Variants in NUMA1 observed in about 807,000 individuals in gnomAD.
NUMA1 encodes SP-H antigen.
In NUMA1, 62 loss-of-function variants were observed where a neutral mutation model predicts 237.1. That is an observed-to-expected ratio of 0.26 (90% CI 0.21 to 0.32). The LOEUF (loss-of-function observed/expected upper bound fraction) is 0.32. Ranked by LOEUF, NUMA1 falls within the 10% of genes least tolerant of loss-of-function variation. The pLI is 1.00. For synonymous variants in NUMA1, 1,028 were observed against 1,066.1 expected (o/e 0.96, Z 0.70); for missense variants, 2,533 against 2,666.5 (o/e 0.95, Z 1.10).
chr11:72,004,849 T>C (rs1056058520), intron 23 of NUMA1, 33 bp from the exon 24 acceptor site: 11 of 1,532,888 alleles, frequency 7.2e-6, no homozygotes, highest in African/African-American at 2.8e-5. Flanking sequence ...CAGTGGACCA[T>C]AGCTGTATGG....
At chr11:72,074,371 T>C (rs2136321063) in intron 1 of NUMA1, among the ~76,000 whole-genome samples, 2 of 151,916 alleles carry the variant, frequency 1.3e-5, no homozygotes, top group South Asian at 4.2e-4. Context: ...TAAAAAGAAG[T>C]AGTTTCTGTA....
In NUMA1 at chr11:72,007,394, C is replaced by G; in HGVS notation, c.5258G>C (p.Gly1753Ala). ...CTGGGAGATAGGTGAGGCTGGTTCT[C>G]CAGGGACGCTGGTGCCGTCTGGCTG... ...RTQPDGTSVP[G>A]EPASPISQRL... Residue 1753 changes from glycine to alanine, a missense_variant, in exon 21 of 27, where the codon GGA (glycine) becomes GCA (alanine). This residue lies in a region of NUMA1 where 795 missense variants were observed against 750.8 expected (regional missense o/e 1.06). Transcript: ENST00000393695. 6.2e-7 allele frequency: 1 copy of G among 1,613,828 alleles called. No individual in the cohort carries two copies. The highest frequency in any genetic ancestry group is 1.3e-5 in the African/African-American group (1 of 75,040).
At chr11:72,012,760 CT>C in intron 15 of NUMA1, 134 bp downstream of exon 15, 1 of 1,310,182 alleles carries the variant, frequency 7.6e-7, no homozygotes. Flanking sequence ...GCCACCTCTC[CT>C]TTTCTGCCAC....
chr11:72,049,554 A>AT lies in NUMA1; in HGVS notation c.-32-13580_-32-13579insA, dbSNP rs1942194103. 2.3e-3 allele frequency: 19 copies of AT among 8,438 alleles called. 1 individual carries two copies. The highest frequency in any genetic ancestry group is 0.015 in the South Asian group (6 of 396). 0.5% of individuals were successfully genotyped at this position (8,438 alleles called of 1,614,324 possible). Reference sequence around the variant, plus strand: ...TGAGAACCTGTCTAAAAAAAAAAATAATAATAATATATATATATATATATA... The same window carrying AT: ...TGAGAACCTGTCTAAAAAAAAAAATATATAATAATATATATATATATATATA... On this transcript the variant is annotated intron_variant, in intron 2 of 26. Transcript: ENST00000393695.
At chr11:72,066,419 A>T (rs760462828) in intron 2 of NUMA1, 2 of 152,242 alleles carry the variant, frequency 1.3e-5, no homozygotes, top group Non-Finnish European at 2.9e-5. Flanking sequence ...ATTTCTTAGC[A>T]TAACGCTTAA....
intron 2 of NUMA1, among the ~76,000 whole-genome samples, chr11:72,048,517 G>A (rs756432593): frequency 1.6e-4 from 24 of 152,078 alleles, no homozygotes; most frequent in Non-Finnish European, 3.2e-4. Context: ...GATTACAGGC[G>A]CTCGCCAACA....
In NUMA1 at chr11:72,003,356, C is replaced by T. The variant is rs1026361331; in HGVS notation, c.*171G>A. ...CCCTGGGCCAGCTCCGAGAAGGCGC[C>T]AGTGAAGGACCAGGGACCAGGCCAG... On this transcript the variant is annotated 3_prime_UTR_variant, in exon 27 of 27. Transcript: ENST00000393695. 5.9e-6 allele frequency: 4 copies of T among 675,708 alleles called. No homozygotes were observed. Among genetic ancestry groups the T allele is most frequent in the African/African-American group, 3.6e-5 (2 of 56,280 alleles). 41.9% of individuals were successfully genotyped at this position (675,708 alleles called of 1,614,324 possible).
intron 2 of NUMA1, among the ~76,000 whole-genome samples, chr11:72,057,596 C>G (rs1942725166): frequency 6.7e-6 from 1 of 148,500 alleles, no homozygotes; most frequent in Non-Finnish European, 1.5e-5. Context: ...ATACAAAAAT[C>G]AGTTGGGCAT....
In NUMA1 at chr11:72,009,259, G is replaced by A; in HGVS notation, c.4839+9C>T. On this transcript the variant is annotated intron_variant, in intron 18 of 26. Transcript: ENST00000393695. ...GGAAGGTGGCATGGGCTGGGGCTGG[G>A]CTCCTTACCTGCAGCTTATAGTGCT... is the stretch of plus-strand genomic sequence containing the variant. 1 of 1,610,946 alleles carries A rather than the reference G, an allele frequency of 6.2e-7. No homozygotes were observed. Among genetic ancestry groups the A allele is most frequent in the Non-Finnish European group, 8.5e-7 (1 of 1,179,248 alleles).
rs747391310 is a variant in NUMA1 at position 72,014,048 on chromosome 11, G to A, written c.3455C>T (p.Ala1152Val). 3.7e-6 allele frequency: 6 copies of A among 1,610,926 alleles called. No individual in the cohort carries two copies. In the East Asian group the frequency reaches 1.1e-4, roughly 30 times the overall value. ...QADSLERSLE[A>V]ERASRAERDS... ...CCGCTCAGCCCGGGAGGCCCGCTCAGCCTCGAGGCTGCGTTCCAGGCTGTC... is the reference window on the plus strand; with the variant it reads ...CCGCTCAGCCCGGGAGGCCCGCTCAACCTCGAGGCTGCGTTCCAGGCTGTC... Residue 1152 changes from alanine to valine, a missense_variant, in exon 15 of 27, where the codon GCT becomes GTT. Physicochemically the swap from Ala to Val is moderately conservative, Grantham distance 64. This residue lies in a region of NUMA1 where 1,414 missense variants were observed against 1,508.1 expected (regional missense o/e 0.94). Transcript: ENST00000393695. This position sits in a 1 kb window ranked among gnomAD's most constrained non-coding sequence, Gnocchi z 4.6.
chr11:72,006,377 T>C, intron 21 of NUMA1, 114 bp from the exon 22 acceptor site: 1 of 832,560 alleles, frequency 1.2e-6, no homozygotes, highest in South Asian at 1.8e-5. Context: ...TCCCAACTGC[T>C]TTGCAAAGGT....
chr11:72,071,502 C>A (rs1943449907), intron 1 of NUMA1, among the ~76,000 whole-genome samples: 1 of 152,140 alleles, frequency 6.6e-6, no homozygotes, highest in African/African-American at 2.4e-5. Context: ...ATAGTCATGA[C>A]AACTAAGTGC....
In NUMA1 at chr11:72,014,699, C is replaced by T. The variant is rs751006316; in HGVS notation, c.2804G>A (p.Arg935Gln). 15 of 1,613,746 alleles carry T rather than the reference C, an allele frequency of 9.3e-6. No individual in the cohort carries two copies. The highest frequency in any genetic ancestry group is 5.0e-5 in the Admixed American group (3 of 60,006). The change falls in exon 15 of 27, where the codon CGG becomes CAG. Residue 935 changes from arginine to glutamine, a missense_variant. Transcript: ENST00000393695. This position sits in a 1 kb window ranked among gnomAD's most constrained non-coding sequence, Gnocchi z 4.6. ...KAGEQQETASRELVKEPARAG... is the reference protein window; with the variant it reads ...KAGEQQETASQELVKEPARAG... Reference sequence around the variant, plus strand: ...CCTCGCAGGCTCCTTGACTAACTCCCGGGAGGCTGTTTCCTGCTGCTCACC... The same window carrying T: ...CCTCGCAGGCTCCTTGACTAACTCCTGGGAGGCTGTTTCCTGCTGCTCACC...
Position 72,039,080 on chromosome 11 carries a change from T to A in NUMA1, c.-32-3105A>T, listed in dbSNP as rs183371820. On this transcript the variant is annotated intron_variant, in intron 2 of 26. Coordinates refer to ENST00000393695, the MANE Select transcript of NUMA1 (RefSeq NM_006185.4). ...AAATTCCCACATTTACAGTAACCCC[T>A]GTTTCCAGAAAATAAATATCAAGAT... is the stretch of plus-strand genomic sequence containing the variant. Among the ~76,000 whole-genome samples the A allele has an allele frequency of 2.8e-4, 43 of 152,226 alleles. No individual in the cohort carries two copies. The East Asian group carries it at 6.4e-3, about 23-fold the overall frequency.
At position 72,014,750 on chromosome 11, in the gene NUMA1, C is replaced by T. The variant is rs143299097; in HGVS notation, c.2753G>A (p.Arg918His). Residue 918 changes from arginine to histidine, a missense_variant, in exon 15 of 27, where the codon CGC becomes CAC. Physicochemically the swap from Arg to His is conservative, Grantham distance 29 (BLOSUM62 0). Transcript: ENST00000393695. The surrounding 1 kb of genome is among the most constrained non-coding windows in gnomAD (Gnocchi z 4.6). ...KMAATSKEVARLETLVRKAGE... is the reference protein window; with the variant it reads ...KMAATSKEVAHLETLVRKAGE... The stretch of plus-strand genomic sequence containing the variant: ...TGCCTTGCGCACCAAGGTCTCCAAG[C>T]GGGCCACCTCTTTGCTGGTGGCAGC... 63 of 1,614,148 alleles carry T rather than the reference C, an allele frequency of 3.9e-5. No individual in the cohort carries two copies. In the African/African-American group the frequency reaches 4.7e-4, roughly 12 times the overall value.
intron 15 of NUMA1, 56 bp downstream of exon 15, chr11:72,012,839 G>A: frequency 6.3e-7 from 1 of 1,575,856 alleles, no homozygotes; most frequent in East Asian, 2.2e-5. Flanking sequence ...GAGGATCGAT[G>A]TCCCCGCGCT....
chr11:72,003,832 G>A, intron 26 of NUMA1, 55 bp downstream of exon 26: 1 of 1,574,610 alleles, frequency 6.4e-7, no homozygotes, highest in Non-Finnish European at 8.7e-7. Context: ...GGGCGGTCTG[G>A]GGGGTGCCCA....
chr11:72,071,946 T>C (rs1943469002), intron 1 of NUMA1, among the ~76,000 whole-genome samples: 1 of 152,210 alleles, frequency 6.6e-6, no homozygotes, highest in South Asian at 2.1e-4. Context: ...GTGACAGATA[T>C]AATAGGCACT....
chr11:72,046,364 G>A (rs1941998174), intron 2 of NUMA1, among the ~76,000 whole-genome samples: 2 of 152,132 alleles, frequency 1.3e-5, no homozygotes, highest in Admixed American at 6.5e-5. Context: ...GACCAACATG[G>A]AGAAACCCCA....
Sources: gnomAD v4.1 joint callset for allele counts (sites outside exome capture counted in the v4.1 genomes callset) on GRCh38, gnomAD v4.1.1 for gene constraint, gnomAD v4.1.1 regional missense constraint, Gnocchi (gnomAD v3.1) non-coding constraint, MANE v1.5 for transcripts, NCBI Gene and HGNC (gene_info 2026-07-23, HGNC 2026-07-21) for gene names.